Variants in ACTR3C observed in about 807,000 individuals in gnomAD.
ACTR3C encodes the protein actin-related protein 3C.
Under a neutral mutation model 26.3 loss-of-function variants are expected in ACTR3C, and 18 were observed. The observed-to-expected ratio is 0.68, with a 90% CI of 0.47 to 1.01. The LOEUF (loss-of-function observed/expected upper bound fraction) is 1.01, where lower values mean the gene tolerates loss of function less well. Ranked by LOEUF, ACTR3C falls within the 50% of genes least tolerant of loss-of-function variation. The probability of loss-of-function intolerance (pLI) is 0.00; values close to 1 mark genes in which losing one functional copy is unlikely to be tolerated. For missense variants in ACTR3C, 184 were observed against 250.7 expected, an observed-to-expected ratio of 0.73 and a Z score of 1.80; for synonymous variants, 55 against 94.5, an observed-to-expected ratio of 0.58 and a Z score of 2.42.
chr7:150,004,671 C>T, the ACTR3C span: 1 of 152,220 alleles, frequency 6.6e-6, no homozygotes, highest in Admixed American at 6.5e-5. Flanking sequence ...CTATCCCCAG[C>T]AGGACACACT....
chr7:150,244,283 A>C (rs573962769), downstream of ACTR3C: 2 of 133,288 alleles, frequency 1.5e-5, no homozygotes, highest in South Asian at 5.1e-4. Context: ...TGAATATTCA[A>C]TATAGTCTTA....
chr7:150,011,144 A>G, the ACTR3C span, among the ~76,000 whole-genome samples: 2 of 152,144 alleles, frequency 1.3e-5, no homozygotes, highest in Admixed American at 6.5e-5. Context: ...ATTTGTATTC[A>G]TTCATCTTGA....
At chr7:150,253,357 A>G (rs1258571183) in intron 6 of ACTR3C, among the ~76,000 whole-genome samples, 2 of 152,194 alleles carry the variant, frequency 1.3e-5, no homozygotes, top group Non-Finnish European at 2.9e-5. Context: ...ATGGCCCTCA[A>G]GTCTCCTGAT....
the ACTR3C span, among the ~76,000 whole-genome samples, chr7:149,906,392 T>G: frequency 6.7e-6 from 1 of 150,240 alleles, no homozygotes; most frequent in African/African-American, 2.5e-5. Context: ...CCATGGGGTT[T>G]TTGTGTGTGG....
At chr7:150,272,422 A>T (rs1834519281) in intron 6 of ACTR3C, among the ~76,000 whole-genome samples, 1 of 139,442 alleles carries the variant, frequency 7.2e-6, no homozygotes, top group Admixed American at 6.8e-5. Context: ...GTCTGAGCTT[A>T]TTATTTTTCA....
In ACTR3C at chr7:150,286,059, T is replaced by TA. The variant is rs1563180752; in HGVS notation, c.471+307dup. Among the ~76,000 whole-genome samples, 3 of 152,220 alleles carry TA rather than the reference T, an allele frequency of 2.0e-5. No homozygotes were observed. In the South Asian group the frequency reaches 6.2e-4, roughly 32 times the overall value. ...TACAGGCCTTGAGAGTAGCTACTTG[T>TA]AATGCTAGCATGTGACCACCCACAA... On this transcript the variant is annotated intron_variant, in intron 5 of 7. Coordinates refer to ENST00000683684, the MANE Select transcript of ACTR3C (RefSeq NM_001164458.2).
chr7:150,269,423 C>A (rs139752787), intron 6 of ACTR3C, among the ~76,000 whole-genome samples: 11,888 of 148,238 alleles, frequency 0.08, 1,283 homozygotes, highest in South Asian at 0.18. Flanking sequence ...CCCCCCCACC[C>A]GTGGGCTCCC....
chr7:150,206,755 C>T, the ACTR3C span, among the ~76,000 whole-genome samples: 1 of 152,250 alleles, frequency 6.6e-6, no homozygotes, highest in South Asian at 2.1e-4. Context: ...GATAAGTGGC[C>T]TGGGAAGCAA....
chr7:150,104,660 T>C, the ACTR3C span, among the ~76,000 whole-genome samples: 7 of 151,650 alleles, frequency 4.6e-5, no homozygotes, highest in East Asian at 1.4e-3. Context: ...TTGGATTTAC[T>C]ACAGTAAATG....
the ACTR3C span, among the ~76,000 whole-genome samples, chr7:149,935,537 G>T: frequency 6.7e-5 from 10 of 150,280 alleles, 1 homozygote; most frequent in Admixed American, 2.7e-4. Flanking sequence ...AAGTAGCTGG[G>T]ATTACAGGCA....
intron 6 of ACTR3C, among the ~76,000 whole-genome samples, chr7:150,261,740 G>T (rs6954019): frequency 0.13 from 20,293 of 151,224 alleles, 607 homozygotes; most frequent in African/African-American, 0.34. Context: ...TACCTTTAGA[G>T]TCCCAGTGAG....
the ACTR3C span, among the ~76,000 whole-genome samples, chr7:149,907,500 C>CTCTCTCTCTCTCTCTCTCTG: frequency 6.6e-6 from 1 of 151,138 alleles, no homozygotes; most frequent in Admixed American, 6.6e-5. Flanking sequence ...CTCTCTCTCT[C>CTCTCTCTCTCTCTCTCTCTG]TCTCTCTCTC....
At chr7:150,217,103 A>C in the ACTR3C span, among the ~76,000 whole-genome samples, 1 of 147,392 alleles carries the variant, frequency 6.8e-6, no homozygotes, top group East Asian at 1.9e-4. Context: ...TCAAAGGTAA[A>C]GTAATGCCTC....
At chr7:150,322,970 C>T (rs1797708806) in intron 1 of ACTR3C, 2 of 152,660 alleles carry the variant, frequency 1.3e-5, no homozygotes, top group South Asian at 4.0e-4. Context: ...GGCGGTCAGC[C>T]TGGCACGCAC....
At chr7:149,928,208 T>A in the ACTR3C span, among the ~76,000 whole-genome samples, 1 of 150,146 alleles carries the variant, frequency 6.7e-6, no homozygotes, top group East Asian at 2.0e-4. Context: ...TTTTCTTTTT[T>A]TTTTTTTTGA....
At chr7:150,205,061 G>A in the ACTR3C span, among the ~76,000 whole-genome samples, 2 of 152,168 alleles carry the variant, frequency 1.3e-5, no homozygotes, top group Admixed American at 6.5e-5. Flanking sequence ...AGACTAGGCC[G>A]GGCATTTTAA....
At chr7:149,895,114 A>G in the ACTR3C span, among the ~76,000 whole-genome samples, 1 of 151,738 alleles carries the variant, frequency 6.6e-6, no homozygotes, top group South Asian at 2.1e-4. Context: ...CCTCGAGGGC[A>G]TTATGTTAAG....
the ACTR3C span, among the ~76,000 whole-genome samples, chr7:149,899,679 A>T: frequency 6.6e-6 from 1 of 151,584 alleles, no homozygotes; most frequent in South Asian, 2.1e-4. Flanking sequence ...GTGGATTACA[A>T]TTCCCAGAAG....
At chr7:150,084,765 G>T in the ACTR3C span, among the ~76,000 whole-genome samples, 1 of 152,148 alleles carries the variant, frequency 6.6e-6, no homozygotes, top group Admixed American at 6.5e-5. Context: ...TACTCCAGGG[G>T]GTGATGGATC....
Sources: gnomAD v4.1 joint callset for allele counts (sites outside exome capture counted in the v4.1 genomes callset) on GRCh38, gnomAD v4.1.1 for gene constraint, MANE v1.5 for transcripts, NCBI Gene and HGNC (gene_info 2026-07-23, HGNC 2026-07-21) for gene names.